TAF6: variants seen among roughly 807,000 people sequenced by gnomAD.
TAF6 encodes TATA-box binding protein associated factor 6.
Under a neutral mutation model 73.5 loss-of-function variants are expected in TAF6, and 50 were observed. The observed-to-expected ratio is 0.68, with a 90% CI of 0.54 to 0.86. TAF6 has a LOEUF of 0.86. Among genes scored for constraint, TAF6 ranks in the 40% least tolerant of loss-of-function variants. TAF6 has a pLI of 0.00. For missense variants in TAF6, 768 were observed against 899.5 expected (o/e 0.85, Z 1.87); for synonymous variants, 424 against 376.7 (o/e 1.13, Z -1.45).
In TAF6 at chr7:100,107,401, GAGA is replaced by G. The variant is rs769880080; in HGVS notation, c.1876_1878del (p.Ser626del). 2.7e-5 allele frequency: 44 copies of G among 1,602,550 alleles called. No homozygotes were observed. In the Admixed American group the frequency reaches 6.7e-4, roughly 24 times the overall value. On this transcript the variant is annotated inframe_deletion, in exon 15 of 15. Transcript: ENST00000453269. ...GGGGACGATGCCGGGGGAGGAACTG[GAGA>G]AGGATGGGAGGTGGGGCCTCCTTTG...
In TAF6 at chr7:100,112,802, G is replaced by C; in HGVS notation, c.570C>G (p.Gly190=). Residue 190 remains glycine, a synonymous_variant, in exon 6 of 15, where the codon GGC becomes GGG. Transcript: ENST00000453269. ...GKGQGATTAD[G]KGKEKKAPPL... ...GCCTAGCCTAGGAGGACTGACCTTT[G>C]CCGTCGGCTGTGGTGGCCCCTTGAC... is the stretch of plus-strand genomic sequence containing the variant. 1 of 1,612,386 alleles carries C rather than the reference G, an allele frequency of 6.2e-7. No individual in the cohort carries two copies. Among genetic ancestry groups the C allele is most frequent in the South Asian group, 1.1e-5 (1 of 90,978 alleles).
In TAF6 at chr7:100,110,350, C is replaced by T. The variant is rs1270306964; in HGVS notation, c.1084-76G>A. 4.0e-6 allele frequency: 6 copies of T among 1,495,344 alleles called. No individual in the cohort carries two copies. In the Admixed American group the frequency reaches 6.7e-5, roughly 17 times the overall value. The allele number at this position is 1,495,344 out of a possible 1,614,324, so 92.6% of individuals were successfully genotyped here. ...GACAGGGACCTAAGTCTTTCATAGA[C>T]ACTTTCCTTGTAAATCATTAAGACA... On this transcript the variant is annotated intron_variant, in intron 10 of 14. Coordinates refer to ENST00000453269, the MANE Select transcript of TAF6 (RefSeq NM_139315.3).
At position 100,112,779 on chromosome 7, in the gene TAF6, C is replaced by A. The variant is rs1231532915; in HGVS notation, c.574+19G>T. 3.1e-6 allele frequency: 5 copies of A among 1,595,110 alleles called. No individual in the cohort carries two copies. Among genetic ancestry groups the A allele is most frequent in the Non-Finnish European group, 4.3e-6 (5 of 1,170,228 alleles). On this transcript the variant is annotated intron_variant, in intron 6 of 14. Coordinates refer to ENST00000453269, the MANE Select transcript of TAF6 (RefSeq NM_139315.3). ...GCTTTGGGCAAGAGTCCAGAGAGGC[C>A]TAGCCTAGGAGGACTGACCTTTGCC...
chr7:100,124,971 G>A, the TAF6 span: 2 of 1,485,526 alleles, frequency 1.3e-6, no homozygotes, highest in Admixed American at 2.3e-5. Context: ...ACAGCTTTCA[G>A]GGTGTGTTTA....
Position 100,113,394 on chromosome 7 carries a change from T to G in TAF6, c.409A>C (p.Ser137Arg). The part of the protein sequence containing the change: ...LDVCLKAHWL[S>R]IEGCQPAIPE... ...ATAGCTGGCTGGCAGCCCTCGATGC[T>G]CAGCCAATGAGCTGCAAGGAAGGCA... The change falls in exon 5 of 15, where the codon AGC becomes CGC. Residue 137 changes from serine (S) to arginine (R), a missense_variant. Coordinates refer to ENST00000453269, the MANE Select transcript of TAF6 (RefSeq NM_139315.3). 1 of 1,593,932 alleles carries G rather than the reference T, an allele frequency of 6.3e-7. No homozygotes were observed. Among genetic ancestry groups the G allele is most frequent in the Non-Finnish European group, 8.5e-7 (1 of 1,169,812 alleles).
At chr7:100,112,731 G>A (rs568561503) in intron 6 of TAF6, 67 bp downstream of exon 6, 5 of 1,497,648 alleles carry the variant, frequency 3.3e-6, no homozygotes, top group African/African-American at 2.8e-5. Flanking sequence ...AAAAAAAAAG[G>A]AAACAAAACA....
rs1416745351 is a variant in TAF6, at chr7:100,113,866, A to G, written c.243+2T>C. On this transcript the variant is annotated splice_donor_variant, in intron 3 of 14. Transcript: ENST00000453269. LOFTEE classifies it high-confidence loss of function. ...CCCCCCCCGCCTGTCTCCCCAAATC[A>G]CCTCGACATTCTTTAGCTTCAAGGC... The G allele has an allele frequency of 6.2e-7, 1 of 1,611,112 alleles. No homozygotes were observed. Among genetic ancestry groups the G allele is most frequent in the South Asian group, 1.1e-5 (1 of 90,980 alleles).
At chr7:100,109,639 G>GAC (rs201212451) in intron 12 of TAF6, among the ~76,000 whole-genome samples, 1 of 51,216 alleles carries the variant, frequency 2.0e-5, no homozygotes, top group African/African-American at 6.0e-5. Context: ...TGGGACCACA[G>GAC]ACACGTCACC....
At chr7:100,122,080 A>T, upstream of TAF6, 2 of 565,948 alleles carry the variant, frequency 3.5e-6, no homozygotes, top group Non-Finnish European at 6.0e-6. Context: ...GAAGAAACCG[A>T]GGCACAGCAA....
upstream of TAF6, chr7:100,122,471 C>G: frequency 6.2e-7 from 1 of 1,614,094 alleles, no homozygotes; most frequent in Non-Finnish European, 8.5e-7. Context: ...TGTTTCCTCT[C>G]TTTCCACAGA....
At chr7:100,123,365 CAAAAAA>C (rs1006358320), upstream of TAF6, among the ~76,000 whole-genome samples, 22 of 147,992 alleles carry the variant, frequency 1.5e-4, no homozygotes, top group East Asian at 7.8e-4. Flanking sequence ...AAAACAAAAA[CAAAAAA>C]AAAGAAATCA....
At chr7:100,124,880 G>T in the TAF6 span, 1 of 1,595,296 alleles carries the variant, frequency 6.3e-7, no homozygotes, top group Non-Finnish European at 8.5e-7. Flanking sequence ...TGACCGAGAA[G>T]ATCTTTGACC....
Position 100,114,192 on chromosome 7 carries a change from C to G in TAF6, c.18G>C (p.Lys6Asn), listed in dbSNP as rs1414907251. 2.5e-6 allele frequency: 4 copies of G among 1,614,110 alleles called. No homozygotes were observed. The South Asian group carries it at 4.4e-5, about 18-fold the overall frequency. The change falls in exon 2 of 15, where the codon AAG becomes AAC. Residue 6 changes from lysine to asparagine, a missense_variant. Around this residue, in one of 5 missense-constraint regions of TAF6, gnomAD observed 269 missense variants for 268.0 expected, o/e 1.00. Transcript: ENST00000453269. ...GCAGCACAGTGTTGCTAAGCTTCAG[C>G]TTCTTCTCCTCAGCCATTCTGGAGT... Reference protein sequence around the residue: MAEEKKLKLSNTVLPS... With the variant: MAEEKNLKLSNTVLPS...
At chr7:100,123,153 C>G (rs1447331992), upstream of TAF6, among the ~76,000 whole-genome samples, 1 of 151,880 alleles carries the variant, frequency 6.6e-6, no homozygotes, top group African/African-American at 2.4e-5. Flanking sequence ...ACCAGCCTGG[C>G]CAACAAGGCA....
Position 100,112,123 on chromosome 7 carries a change from G to A in TAF6, c.705C>T (p.Cys235=), listed in dbSNP as rs141218023. The change falls in exon 7 of 15, where the codon TGC becomes TGT. Residue 235 remains cysteine (C), a synonymous_variant. Transcript: ENST00000453269. ...KEITEACVGS[C]EAKRAEALQS... is the part of the protein sequence containing the mutation. Reference sequence around the variant, plus strand: ...GGGCCCTCACCGCCCTCTTGGCCTCGCAGGAGCCCACGCAGGCCTCGGTGA... The same window carrying A: ...GGGCCCTCACCGCCCTCTTGGCCTCACAGGAGCCCACGCAGGCCTCGGTGA... 7 of 1,613,574 alleles carry A rather than the reference G, an allele frequency of 4.3e-6. No homozygotes were observed. The highest frequency in any genetic ancestry group is 2.2e-5 in the East Asian group (1 of 44,892).
At chr7:100,122,049 G>GAAA (rs111511573), upstream of TAF6, 3,183 of 311,312 alleles carry the variant, frequency 0.01, no homozygotes, top group South Asian at 0.016. Context: ...GAGTCCGTCT[G>GAAA]AAAAAAAAAA....
chr7:100,111,431 C>T (rs2116777537), intron 9 of TAF6, 110 bp from the exon 10 acceptor site: 2 of 1,286,994 alleles, frequency 1.6e-6, no homozygotes, highest in East Asian at 2.5e-5. Flanking sequence ...TGGCTAACTG[C>T]AGCATCAATC....
chr7:100,120,559 A>G (rs751223368), upstream of TAF6, among the ~76,000 whole-genome samples: 15 of 152,038 alleles, frequency 9.9e-5, no homozygotes, highest in Non-Finnish European at 2.1e-4. Context: ...CACCCCCTCA[A>G]CTGTATTCCA....
At chr7:100,125,438 G>A in the TAF6 span, 1 of 152,952 alleles carries the variant, frequency 6.5e-6, no homozygotes, top group Admixed American at 6.5e-5. Flanking sequence ...GTAACCCAGA[G>A]CCCACCATAT....
Sources: gnomAD v4.1 joint callset for allele counts (sites outside exome capture counted in the v4.1 genomes callset) on GRCh38, gnomAD v4.1.1 for gene constraint, gnomAD v4.1.1 regional missense constraint, MANE v1.5 for transcripts, NCBI Gene and HGNC (gene_info 2026-07-23, HGNC 2026-07-21) for gene names.